The following RCAN3 variants were observed in gnomAD, a reference collection of about 807,000 sequenced individuals.
RCAN3 encodes the protein regulator of calcineurin 3.
Under a neutral mutation model 21.9 loss-of-function variants are expected in RCAN3, and 19 were observed. The observed-to-expected ratio is 0.87, with a 90% CI of 0.61 to 1.27. The LOEUF (loss-of-function observed/expected upper bound fraction) is 1.27, where lower values mean the gene tolerates loss of function less well. Among genes scored for constraint, RCAN3 ranks in the 50% most tolerant of loss-of-function variants. The probability of loss-of-function intolerance (pLI) is 0.00; values close to 1 mark genes in which losing one functional copy is unlikely to be tolerated. For missense variants in RCAN3, 240 were observed against 300.1 expected, an observed-to-expected ratio of 0.80 and a Z score of 1.48; for synonymous variants, 114 against 112.3, an observed-to-expected ratio of 1.01 and a Z score of -0.09.
At chr1:24,531,977 G>A (rs567712570) in intron 3 of RCAN3, among the ~76,000 whole-genome samples, 2 of 151,970 alleles carry the variant, frequency 1.3e-5, no homozygotes, top group East Asian at 1.9e-4. Flanking sequence ...GAGATTACTC[G>A]TGTATTAAAT....
At chr1:24,528,418 C>A (rs1324477668) in intron 2 of RCAN3, among the ~76,000 whole-genome samples, 1 of 152,120 alleles carries the variant, frequency 6.6e-6, no homozygotes, top group African/African-American at 2.4e-5. Context: ...TACATACAGG[C>A]ACACACATGC....
At chr1:24,528,408 T>C (rs1649452712) in intron 2 of RCAN3, among the ~76,000 whole-genome samples, 1 of 152,208 alleles carries the variant, frequency 6.6e-6, no homozygotes, top group Non-Finnish European at 1.5e-5. Flanking sequence ...TGTGTTTATT[T>C]ACATACAGGC....
At chr1:24,534,401 G>A (rs1439089871) in intron 4 of RCAN3, among the ~76,000 whole-genome samples, 2 of 152,050 alleles carry the variant, frequency 1.3e-5, no homozygotes, top group Non-Finnish European at 2.9e-5. Flanking sequence ...TCAGGAGATC[G>A]AGACCAGCCT....
Position 24,531,263 on chromosome 1 carries a change from T to G in RCAN3, c.241T>G (p.Phe81Val). 6.2e-7 allele frequency: 1 copy of G among 1,612,734 alleles called. No homozygotes were observed. The highest frequency in any genetic ancestry group is 1.1e-5 in the South Asian group (1 of 90,884). The change falls in exon 3 of 5, where the codon TTT becomes GTT. Residue 81 changes from phenylalanine (F) to valine (V), a missense_variant. Coordinates refer to ENST00000374395, the MANE Select transcript of RCAN3 (RefSeq NM_013441.4). Reference protein sequence around the residue: ...LFTIYDDQVTFQLFKSFRRVR... With the variant: ...LFTIYDDQVTVQLFKSFRRVR... ...CACCATCTATGATGACCAGGTTACT[T>G]TTCAGCTGTTTAAAAGCTTTAGAAG...
At chr1:24,511,473 A>G (rs1313148869) in intron 1 of RCAN3, among the ~76,000 whole-genome samples, 1 of 149,928 alleles carries the variant, frequency 6.7e-6, no homozygotes, top group Non-Finnish European at 1.5e-5. Flanking sequence ...ACCCATGTGT[A>G]TTGGTGAAGA....
chr1:24,506,754 A>G (rs887680765), intron 1 of RCAN3, among the ~76,000 whole-genome samples: 2 of 149,004 alleles, frequency 1.3e-5, no homozygotes, highest in African/African-American at 5.0e-5. Context: ...TGATATTCTA[A>G]GAATTTTTTT....
In RCAN3 at chr1:24,525,343, T is replaced by C. The variant is rs1438774982; in HGVS notation, c.196-5875T>C. 2.0e-5 allele frequency among the ~76,000 whole-genome samples: 3 copies of C among 152,218 alleles called. No homozygotes were observed. The highest frequency in any genetic ancestry group is 7.2e-5 in the African/African-American group (3 of 41,456). Reference sequence around the variant, plus strand: ...ACTGTCATTTTGATGACTGACTAACTGCACAGGTGATCTTAGCATATGAAG... The same window carrying C: ...ACTGTCATTTTGATGACTGACTAACCGCACAGGTGATCTTAGCATATGAAG... On this transcript the variant is annotated intron_variant, in intron 2 of 4. Coordinates refer to ENST00000374395, the MANE Select transcript of RCAN3 (RefSeq NM_013441.4). This position sits in a 1 kb window ranked among gnomAD's most constrained non-coding sequence, Gnocchi z 4.1.
At chr1:24,529,998 C>CAAAA (rs201761424) in intron 2 of RCAN3, among the ~76,000 whole-genome samples, 1 of 96,926 alleles carries the variant, frequency 1.0e-5, no homozygotes. Flanking sequence ...GACCCCATCT[C>CAAAA]AAAAAAAAAA....
intron 1 of RCAN3, among the ~76,000 whole-genome samples, chr1:24,506,809 A>T (rs1647478300): frequency 6.6e-6 from 1 of 151,370 alleles, no homozygotes; most frequent in Non-Finnish European, 1.5e-5. Context: ...TCTGTTTTTT[A>T]AAATCTTTTT....
rs780705934 is a variant in RCAN3 at position 24,515,927 on chromosome 1, G to A, written c.195+1360G>A. Among the ~76,000 whole-genome samples, 2 of 152,010 alleles carry A rather than the reference G, an allele frequency of 1.3e-5. 1 individual carries two copies. Among genetic ancestry groups the A allele is most frequent in the East Asian group, 3.9e-4 (2 of 5,178 alleles). ...TGGGAGGCCAAGGCAGGCAGATCAC[G>A]AGGTCAGGAGTTCCAGACCAGCCTG... On this transcript the variant is annotated intron_variant, in intron 2 of 4. Transcript: ENST00000374395.
At position 24,538,712 on chromosome 1, in the gene RCAN3, GC is replaced by G. The variant is rs991214814; in HGVS notation, c.*3437del. ...AACCAGGCGTGAGCCACTGCGCCCG[GC>G]CTTAAATAAAATATTGTAGTCATTA... On this transcript the variant is annotated 3_prime_UTR_variant, in exon 5 of 5. Transcript: ENST00000374395. The G allele has an allele frequency of 1.3e-5, 2 of 151,934 alleles. No individual in the cohort carries two copies. The highest frequency in any genetic ancestry group is 4.8e-5 in the African/African-American group (2 of 41,338). The allele number at this position is 151,934 out of a possible 1,614,324, so 9.4% of individuals were successfully genotyped here. A position where few individuals can be genotyped will look rare whatever the true frequency, so the allele number is the denominator to read the frequency against.
intron 4 of RCAN3, among the ~76,000 whole-genome samples, chr1:24,534,567 A>C (rs574425732): frequency 9.9e-5 from 15 of 151,894 alleles, no homozygotes; most frequent in Non-Finnish European, 1.9e-4. Flanking sequence ...AGGTCGCACC[A>C]CTGCACTCCA....
chr1:24,505,411 C>T (rs763882672), intron 1 of RCAN3, among the ~76,000 whole-genome samples: 16 of 151,464 alleles, frequency 1.1e-4, no homozygotes, highest in Admixed American at 2.6e-4. Context: ...TTTGTAGAGA[C>T]GGGGTTTTTC....
At chr1:24,503,442 G>C (rs1481173809) in intron 1 of RCAN3, among the ~76,000 whole-genome samples, 1 of 152,192 alleles carries the variant, frequency 6.6e-6, no homozygotes, top group East Asian at 1.9e-4. Context: ...CTCCCACCAA[G>C]TGTGTTTGAC....
chr1:24,521,869 AT>A (rs1220116672), intron 2 of RCAN3, among the ~76,000 whole-genome samples: 1 of 147,638 alleles, frequency 6.8e-6, no homozygotes, highest in East Asian at 2.0e-4. Context: ...AACAAAAAAA[AT>A]TTTTTTAAAA....
chr1:24,519,848 G>A (rs1027124907), intron 2 of RCAN3, among the ~76,000 whole-genome samples: 2 of 152,184 alleles, frequency 1.3e-5, no homozygotes, highest in South Asian at 2.1e-4. Context: ...ATAGTACGTA[G>A]GAGATTTAAT....
At chr1:24,527,151 C>T (rs1400099843) in intron 2 of RCAN3, among the ~76,000 whole-genome samples, 1 of 134,270 alleles carries the variant, frequency 7.4e-6, no homozygotes, top group African/African-American at 2.6e-5. Flanking sequence ...CATGTCTCAG[C>T]CTCCAGAGTA....
intron 1 of RCAN3, among the ~76,000 whole-genome samples, chr1:24,509,958 C>T (rs1211400602): frequency 6.6e-6 from 1 of 151,890 alleles, no homozygotes; most frequent in Non-Finnish European, 1.5e-5. Context: ...AAAGAACATT[C>T]ATCTCCCTGT....
In RCAN3 at chr1:24,539,677, T is replaced by C. The variant is rs1350126183; in HGVS notation, c.*4400T>C. Reference sequence around the variant, plus strand: ...TTTATACAGACTATTTCACAGACCATAGATTTATTTTAAAAGGGAAAATCT... The same window carrying C: ...TTTATACAGACTATTTCACAGACCACAGATTTATTTTAAAAGGGAAAATCT... On this transcript the variant is annotated 3_prime_UTR_variant, in exon 5 of 5. Transcript: ENST00000374395. The C allele has an allele frequency of 1.3e-5, 2 of 152,232 alleles. No homozygotes were observed. The highest frequency in any genetic ancestry group is 2.9e-5 in the Non-Finnish European group (2 of 68,040). 9.4% of individuals were successfully genotyped at this position (152,232 alleles called of 1,614,324 possible).
Sources: allele counts gnomAD v4.1 joint callset (sites outside exome capture counted in the v4.1 genomes callset), GRCh38; gene constraint gnomAD v4.1.1; non-coding constraint Gnocchi (gnomAD v3.1); transcripts MANE v1.5; gene names NCBI Gene and HGNC (gene_info 2026-07-23, HGNC 2026-07-21).